Variants in GLE1 observed in about 807,000 individuals in gnomAD.
The protein encoded by GLE1 is mRNA export factor GLE1.
Under a neutral mutation model 97.3 loss-of-function variants are expected in GLE1, and 78 were observed. The ratio of observed to expected loss-of-function variants is 0.80; its 90% confidence interval spans 0.67 to 0.97. The LOEUF (loss-of-function observed/expected upper bound fraction) is 0.97, where lower values mean the gene tolerates loss of function less well. GLE1 is among the 50% of genes least tolerant of loss of function. GLE1 has a pLI of 0.00. For synonymous variants in GLE1, 302 were observed against 313.4 expected (o/e 0.96, Z 0.39); for missense variants, 753 against 857.5 (o/e 0.88, Z 1.52).
chr9:128,527,048 G>GT, intron 7 of GLE1, 131 bp from the exon 8 acceptor site: 1 of 693,056 alleles, frequency 1.4e-6, no homozygotes. Flanking sequence ...GATAATAATA[G>GT]TATCTATTTC....
At chr9:128,539,400 A>C (rs1847822219) in intron 13 of GLE1, among the ~76,000 whole-genome samples, 1 of 152,202 alleles carries the variant, frequency 6.6e-6, no homozygotes, top group Non-Finnish European at 1.5e-5. Flanking sequence ...GTTCATTAAG[A>C]CCTGATTGGT....
intron 2 of GLE1, among the ~76,000 whole-genome samples, chr9:128,512,888 A>G (rs1194088448): frequency 2.0e-5 from 3 of 152,120 alleles, no homozygotes; most frequent in African/African-American, 7.2e-5. Context: ...ACCTCAGGTG[A>G]TCCACCCGCC....
chr9:128,527,572 T>C (rs747617148), intron 9 of GLE1, 47 bp downstream of exon 9: 3 of 1,062,882 alleles, frequency 2.8e-6, no homozygotes, highest in Non-Finnish European at 4.4e-6. Flanking sequence ...CATTGTATTA[T>C]CTTTCAGACT....
chr9:128,533,143 G>C (rs1278641386), intron 9 of GLE1, among the ~76,000 whole-genome samples: 7 of 152,050 alleles, frequency 4.6e-5, no homozygotes, highest in African/African-American at 1.7e-4. Flanking sequence ...GATGAAACAG[G>C]CTGGGCATGG....
intron 3 of GLE1, among the ~76,000 whole-genome samples, chr9:128,521,019 C>T (rs1253121808): frequency 6.6e-6 from 1 of 152,096 alleles, no homozygotes; most frequent in Non-Finnish European, 1.5e-5. Context: ...ACTTTGGCCT[C>T]CTCAAGTGCT....
intron 2 of GLE1, among the ~76,000 whole-genome samples, chr9:128,514,344 A>C (rs1388829081): frequency 6.6e-6 from 1 of 151,738 alleles, no homozygotes; most frequent in Non-Finnish European, 1.5e-5. Flanking sequence ...GTTTCAAAAA[A>C]AAAAAAAAAA....
At chr9:128,510,584 A>G (rs1846784462) in intron 2 of GLE1, among the ~76,000 whole-genome samples, 1 of 142,520 alleles carries the variant, frequency 7.0e-6, no homozygotes, top group African/African-American at 2.6e-5. Flanking sequence ...GCTGGAGTAC[A>G]GTGGCATGGT....
At chr9:128,514,429 G>A (rs1002796539) in intron 2 of GLE1, among the ~76,000 whole-genome samples, 15 of 148,876 alleles carry the variant, frequency 1.0e-4, no homozygotes, top group Non-Finnish European at 2.2e-4. Flanking sequence ...CATACTGGGT[G>A]TAGGAGGATA....
intron 1 of GLE1, among the ~76,000 whole-genome samples, chr9:128,505,841 A>G (rs1014878076): frequency 6.6e-6 from 1 of 152,200 alleles, no homozygotes; most frequent in African/African-American, 2.4e-5. Context: ...CCATGGCTTT[A>G]GCATTCATTG....
Position 128,515,565 on chromosome 9 carries a change from C to G in GLE1, c.358C>G (p.Leu120Val). 2.5e-6 allele frequency: 4 copies of G among 1,605,858 alleles called. No homozygotes were observed. Among genetic ancestry groups the G allele is most frequent in the Non-Finnish European group, 3.4e-6 (4 of 1,172,476 alleles). ...DESQHTESMV[L>V]QSSRGIKVEG... ...GTCCCAGCACACAGAATCTATGGTACTTCAGTCCTCACGGGGGATCAAAGT... is the reference window on the plus strand; with the variant it reads ...GTCCCAGCACACAGAATCTATGGTAGTTCAGTCCTCACGGGGGATCAAAGT... Residue 120 changes from leucine to valine, a missense_variant, in exon 3 of 16, where the codon CTT becomes GTT. Coordinates refer to ENST00000309971, the MANE Select transcript of GLE1 (RefSeq NM_001003722.2).
At chr9:128,513,163 T>G (rs1361085397) in intron 2 of GLE1, among the ~76,000 whole-genome samples, 4 of 152,068 alleles carry the variant, frequency 2.6e-5, no homozygotes, top group Admixed American at 2.6e-4. Context: ...ATCACCTAGA[T>G]CTAGGAACAT....
intron 9 of GLE1, among the ~76,000 whole-genome samples, 160 bp from the exon 10 acceptor site, chr9:128,533,353 T>C (rs1847580590): frequency 7.5e-6 from 1 of 134,226 alleles, no homozygotes; most frequent in Non-Finnish European, 1.5e-5. Context: ...TTGCTTCAAC[T>C]CGGGAGACGG....
At chr9:128,525,597 C>T (rs182496733) in intron 7 of GLE1, among the ~76,000 whole-genome samples, 174 bp downstream of exon 7, 6 of 152,240 alleles carry the variant, frequency 3.9e-5, no homozygotes, top group Admixed American at 2.0e-4. Flanking sequence ...CAACACTTTG[C>T]GTGAGGACTT....
At chr9:128,540,185 C>T in intron 14 of GLE1, 90 bp from the exon 15 acceptor site, 2 of 895,454 alleles carry the variant, frequency 2.2e-6, no homozygotes, top group Admixed American at 1.7e-5. Flanking sequence ...CACCGCGCTG[C>T]ACTCCAGCCT....
intron 1 of GLE1, 146 bp from the exon 2 acceptor site, chr9:128,508,730 T>A (rs779590845): frequency 4.4e-6 from 3 of 680,718 alleles, no homozygotes; most frequent in Non-Finnish European, 8.0e-6. Context: ...CCACTGTACT[T>A]TGTTTTCATC....
At chr9:128,528,086 G>A (rs576607141) in intron 9 of GLE1, among the ~76,000 whole-genome samples, 9 of 137,724 alleles carry the variant, frequency 6.5e-5, no homozygotes, top group Non-Finnish European at 1.2e-4. Context: ...CGCAAGCTCC[G>A]CCTACCGGCT....
At position 128,533,651 on chromosome 9, in the gene GLE1, T is replaced by C; in HGVS notation, c.1451T>C (p.Phe484Ser). 3 of 1,614,082 alleles carry C rather than the reference T, an allele frequency of 1.9e-6. No individual in the cohort carries two copies. The highest frequency in any genetic ancestry group is 2.5e-6 in the Non-Finnish European group (3 of 1,180,022). The change falls in exon 10 of 16, where the codon TTT (phenylalanine) becomes TCT (serine). Residue 484 changes from phenylalanine to serine, a missense_variant. Coordinates refer to ENST00000309971, the MANE Select transcript of GLE1 (RefSeq NM_001003722.2). ...DFVQYKLAEK[F>S]VKQGEEEVAS... ...GTTCAATACAAACTGGCAGAGAAAT[T>C]TGTGGTGAGAAACCTTGTTGCTAGA...
rs147677145 is a variant in GLE1, at chr9:128,529,693, TCTCTCTCC to T, written c.1312+2184_1312+2191del. On this transcript the variant is annotated intron_variant, in intron 9 of 15. Transcript: ENST00000309971. Reference sequence around the variant, plus strand: ...CCCTCCCTCACTACCCTTTCCTCTCTCTCTCTCCCTCTCTCCCTCTCTCTCTCTCCCCT... The same window carrying T: ...CCCTCCCTCACTACCCTTTCCTCTCTCTCTCTCCCTCTCTCTCTCTCCCCT... Among the ~76,000 whole-genome samples the T allele has an allele frequency of 1.9e-3, 285 of 151,796 alleles. 8 individuals carry two copies. The East Asian group carries it at 0.048, about 25-fold the overall frequency.
rs879084607 is a variant in GLE1 at position 128,525,284 on chromosome 9, C to T, written c.990C>T (p.Thr330=). The T allele has an allele frequency of 6.2e-7, 1 of 1,613,888 alleles. No individual in the cohort carries two copies. Among genetic ancestry groups the T allele is most frequent in the Non-Finnish European group, 8.5e-7 (1 of 1,179,854 alleles). ...DLLMNLGQEI[T]RACEDKRRQD... ...TGATGAACTTGGGGCAGGAGATCAC[C>T]AGAGCCTGCGAAGACAAGAGGAGGC... The change falls in exon 7 of 16, where the codon ACC becomes ACT. Residue 330 remains threonine, a synonymous_variant. Coordinates refer to ENST00000309971, the MANE Select transcript of GLE1 (RefSeq NM_001003722.2).
Sources: gnomAD v4.1 joint callset for allele counts (sites outside exome capture counted in the v4.1 genomes callset) on GRCh38, gnomAD v4.1.1 for gene constraint, MANE v1.5 for transcripts, NCBI Gene and HGNC (gene_info 2026-07-23, HGNC 2026-07-21) for gene names.